MED16: variants seen among roughly 807,000 people sequenced by gnomAD.
MED16 encodes the protein mediator of RNA polymerase II transcription subunit 16.
MED16 carries 81 observed loss-of-function variants against 84.4 expected under a neutral mutation model. The ratio of observed to expected loss-of-function variants is 0.96; its 90% CI spans 0.80 to 1.15. The LOEUF (loss-of-function observed/expected upper bound fraction) is 1.15. MED16 is among the 50% of genes most tolerant of loss of function. MED16 has a pLI of 0.00. For missense variants in MED16, 1,585 were observed against 1,245.9 expected (o/e 1.27, Z -4.10); for synonymous variants, 897 against 552.2 (o/e 1.62, Z -8.76).
At chr19:879,132 A>AGCCCCAGCCCCACGT (rs1433963215) in intron 8 of MED16, among the ~76,000 whole-genome samples, 2 of 19,116 alleles carry the variant, frequency 1.0e-4, no homozygotes, top group East Asian at 1.2e-3. Flanking sequence ...CCCCAGCCCC[A>AGCCCCAGCCCCACGT]GCCCCAGCCC....
chr19:886,064 G>A lies in MED16; in HGVS notation c.585C>T (p.Pro195=), dbSNP rs1015143177. The A allele has an allele frequency of 1.3e-6, 2 of 1,595,850 alleles. No homozygotes were observed. The highest frequency in any genetic ancestry group is 1.7e-6 in the Non-Finnish European group (2 of 1,175,236). The part of the protein sequence containing the change: ...SGLVTVSLLK[P]SGQVLTSTES... ...CGGTGGACGTCAGCACCTGCCCGCTGGGCTTCAGCAGGGACACGGTGACCA... is the reference window on the plus strand; with the variant it reads ...CGGTGGACGTCAGCACCTGCCCGCTAGGCTTCAGCAGGGACACGGTGACCA... Residue 195 remains proline (P), a synonymous_variant, in exon 5 of 16, where the codon CCC becomes CCT. Transcript: ENST00000325464.
rs765903314 is a variant in MED16 at position 885,855 on chromosome 19, A to G, written c.794T>C (p.Met265Thr). The G allele has an allele frequency of 1.2e-6, 2 of 1,613,798 alleles. No individual in the cohort carries two copies. The highest frequency in any genetic ancestry group is 1.1e-5 in the South Asian group (1 of 91,088). ...IDTEILPSLF[M>T]RCTTDLNRKD... ...GCGGTTGAGGTCGGTGGTGCAGCGCATGAACAGGGAGGGCAGGATCTCCGT... is the reference window on the plus strand; with the variant it reads ...GCGGTTGAGGTCGGTGGTGCAGCGCGTGAACAGGGAGGGCAGGATCTCCGT... Residue 265 changes from methionine (M) to threonine (T), a missense_variant, in exon 5 of 16, where the codon ATG becomes ACG. Transcript: ENST00000325464.
At chr19:890,094 G>C in intron 3 of MED16, 43 bp downstream of exon 3, 1 of 1,434,738 alleles carries the variant, frequency 7.0e-7, no homozygotes, top group Non-Finnish European at 9.5e-7. Flanking sequence ...CCTGCTCCGG[G>C]ATCCGGGTCG....
At chr19:873,640 A>C in intron 10 of MED16, 58 bp from the exon 11 acceptor site, 1 of 1,596,544 alleles carries the variant, frequency 6.3e-7, no homozygotes, top group East Asian at 2.2e-5. Flanking sequence ...GGGTGACCTA[A>C]CTGCACCCCT....
Position 873,333 on chromosome 19 carries a change from G to A in MED16, c.1905+116C>T. On this transcript the variant is annotated intron_variant, in intron 11 of 15. Coordinates refer to ENST00000325464, the MANE Select transcript of MED16 (RefSeq NM_005481.3). ...GGGGCGGGACTCCAAGTAGGGGCGG[G>A]ACTCCAACTAGGGGCGGGGCTGAGG... is the stretch of plus-strand genomic sequence containing the variant. 6.4e-6 allele frequency: 2 copies of A among 314,434 alleles called. 1 individual carries two copies. Among genetic ancestry groups the A allele is most frequent in the East Asian group, 1.9e-4 (2 of 10,400 alleles). 19.5% of individuals were successfully genotyped at this position (314,434 alleles called of 1,614,324 possible). A position where few individuals can be genotyped will look rare whatever the true frequency, so the allele number is the denominator to read the frequency against.
chr19:871,577 C>A (rs1010837646), intron 12 of MED16: 2 of 1,595,252 alleles, frequency 1.3e-6, no homozygotes, highest in African/African-American at 1.3e-5. Context: ...ATACACACAA[C>A]CCGACAAGGA....
chr19:890,432 C>A, intron 2 of MED16, 188 bp from the exon 3 acceptor site: 1 of 487,130 alleles, frequency 2.1e-6, no homozygotes, highest in Non-Finnish European at 3.6e-6. Flanking sequence ...GCCTGTGAGG[C>A]GCCACAACTG....
chr19:890,917 G>A (rs1357536782), intron 2 of MED16, 46 bp downstream of exon 2: 4 of 1,595,624 alleles, frequency 2.5e-6, no homozygotes, highest in Admixed American at 1.7e-5. Context: ...GAACAGGGCG[G>A]GACACCATGC....
At chr19:881,848 G>T in intron 6 of MED16, 134 bp from the exon 7 acceptor site, 1 of 1,099,328 alleles carries the variant, frequency 9.1e-7, no homozygotes, top group Non-Finnish European at 1.3e-6. Flanking sequence ...CTGCTCCCAT[G>T]CCCAGAAGAC....
At chr19:873,684 T>A in intron 10 of MED16, 102 bp from the exon 11 acceptor site, 2 of 1,369,900 alleles carry the variant, frequency 1.5e-6, no homozygotes, top group Non-Finnish European at 2.0e-6. Context: ...GCCCACCCAG[T>A]ACCAGGACAC....
Position 890,988 on chromosome 19 carries a change from G to A in MED16, c.144C>T (p.Thr48=), listed in dbSNP as rs1039223563. 6.2e-7 allele frequency: 1 copy of A among 1,613,988 alleles called. No homozygotes were observed. The highest frequency in any genetic ancestry group is 1.3e-5 in the African/African-American group (1 of 75,062). The part of the protein sequence containing the change: ...AWSCRNLIAF[T]MDLRSDDQDL... ...CCTGGTCATCGCTGCGCAGGTCCATGGTGAAGGCGATGAGATTTCGGCAGG... is the reference window on the plus strand; with the variant it reads ...CCTGGTCATCGCTGCGCAGGTCCATAGTGAAGGCGATGAGATTTCGGCAGG... The change falls in exon 2 of 16, where the codon ACC becomes ACT. Residue 48 remains threonine (T), a synonymous_variant. Coordinates refer to ENST00000325464, the MANE Select transcript of MED16 (RefSeq NM_005481.3).
At chr19:876,829 C>T in intron 9 of MED16, 145 bp downstream of exon 9, 2 of 778,380 alleles carry the variant, frequency 2.6e-6, no homozygotes, top group South Asian at 3.8e-5. Flanking sequence ...CACGGGGCCC[C>T]TGCCTGCCAC....
In MED16 at chr19:868,150, G is replaced by A. The variant is rs1263764698; in HGVS notation, c.2585C>T (p.Pro862Leu). ...QLGPQSTHHSPRTPRSLDHLH... is the reference protein window; with the variant it reads ...QLGPQSTHHSLRTPRSLDHLH... Reference sequence around the variant, plus strand: ...ATGGTCCAGGGATCTGGGGGTCCTGGGAGAGTGGTGTGTGGACTGCGGGCC... The same window carrying A: ...ATGGTCCAGGGATCTGGGGGTCCTGAGAGAGTGGTGTGTGGACTGCGGGCC... Residue 862 changes from proline to leucine, a missense_variant, in exon 16 of 16, where the codon CCC (proline) becomes CTC (leucine). Pro to Leu is a moderately conservative substitution (Grantham distance 98, BLOSUM62 -3). Transcript: ENST00000325464. 1.2e-6 allele frequency: 2 copies of A among 1,611,708 alleles called. No homozygotes were observed. The highest frequency in any genetic ancestry group is 2.2e-5 in the East Asian group (1 of 44,878).
intron 13 of MED16, among the ~76,000 whole-genome samples, chr19:870,434 G>A (rs532408805): frequency 6.6e-6 from 1 of 152,080 alleles, no homozygotes; most frequent in Non-Finnish European, 1.5e-5. Context: ...GGTGGCTCAT[G>A]CCTGTAATCC....
At chr19:881,375 G>A (rs553063090) in intron 7 of MED16, among the ~76,000 whole-genome samples, 184 bp downstream of exon 7, 2 of 152,316 alleles carry the variant, frequency 1.3e-5, no homozygotes, top group Admixed American at 6.5e-5. Context: ...CCCGAAAGAT[G>A]AGATCTGCCT....
chr19:887,959 T>G (rs913144562), intron 4 of MED16, among the ~76,000 whole-genome samples: 1 of 151,846 alleles, frequency 6.6e-6, no homozygotes, highest in African/African-American at 2.4e-5. Flanking sequence ...TCCCAGCACT[T>G]TGGGAGGCCA....
chr19:870,890 G>A (rs987496452), intron 13 of MED16, 147 bp downstream of exon 13: 72 of 772,758 alleles, frequency 9.3e-5, no homozygotes, highest in African/African-American at 8.7e-4. Context: ...GGGGTCCCGG[G>A]CAGGACATGG....
At chr19:875,112 TGAG>T in intron 10 of MED16, 129 bp downstream of exon 10, 1 of 563,068 alleles carries the variant, frequency 1.8e-6, no homozygotes, top group Non-Finnish European at 2.9e-6. Context: ...TGCAGTGAGC[TGAG>T]ATCGCACCAC....
chr19:873,572 C>T lies in MED16; in HGVS notation c.1782G>A (p.Lys594=). 6.2e-7 allele frequency: 1 copy of T among 1,612,354 alleles called. No homozygotes were observed. The part of the protein sequence containing the change: ...CTKITDVDID[K]VMINLKTEEF... Reference sequence around the variant, plus strand: ...CCTCCGTCTTGAGGTTGATCATGACCTTGTCAATGTCTACAAGGAGACGTG... The same window carrying T: ...CCTCCGTCTTGAGGTTGATCATGACTTTGTCAATGTCTACAAGGAGACGTG... Residue 594 remains lysine (K), a synonymous_variant, in exon 11 of 16, where the codon AAG becomes AAA. Transcript: ENST00000325464.
Sources: gnomAD v4.1 joint callset for allele counts (sites outside exome capture counted in the v4.1 genomes callset) on GRCh38, gnomAD v4.1.1 for gene constraint, MANE v1.5 for transcripts, NCBI Gene and HGNC (gene_info 2026-07-23, HGNC 2026-07-21) for gene names.